The following NOX4 variants were observed in gnomAD, a reference collection of about 807,000 sequenced individuals.
NOX4 encodes NADPH oxidase 4.
Under a neutral mutation model 87.6 loss-of-function variants are expected in NOX4, and 69 were observed. The observed-to-expected ratio is 0.79, with a 90% CI of 0.65 to 0.96. The LOEUF is 0.96. NOX4 is among the 40% of genes least tolerant of loss of function. The pLI is 0.00. For missense variants in NOX4, 680 were observed against 681.5 expected, an observed-to-expected ratio of 1.00 and a Z score of 0.02; for synonymous variants, 275 against 238.2, an observed-to-expected ratio of 1.15 and a Z score of -1.42.
rs1193752857 is a variant in NOX4 at position 89,415,621 on chromosome 11, G to A, written c.629+6281C>T. On this transcript the variant is annotated intron_variant, in intron 8 of 17. Coordinates refer to ENST00000263317, the MANE Select transcript of NOX4 (RefSeq NM_016931.5). ...TACATAAATATGCAGATACGTGTGT[G>A]TATGTATTTCAGGAATTAATGAATC... 3.3e-5 allele frequency among the ~76,000 whole-genome samples: 5 copies of A among 152,074 alleles called. No homozygotes were observed. The East Asian group carries it at 9.6e-4, about 29-fold the overall frequency.
At chr11:89,389,182 A>G (rs1273833925) in intron 11 of NOX4, among the ~76,000 whole-genome samples, 1 of 152,164 alleles carries the variant, frequency 6.6e-6, no homozygotes, top group Admixed American at 6.5e-5. Context: ...AAACAATCAC[A>G]ATTTCCTTGG....
At chr11:89,394,252 G>C (rs571382063) in intron 11 of NOX4, among the ~76,000 whole-genome samples, 8 of 152,010 alleles carry the variant, frequency 5.3e-5, no homozygotes, top group Admixed American at 2.0e-4. Flanking sequence ...CAGTGATTGA[G>C]TATATACTAA....
the NOX4 span, among the ~76,000 whole-genome samples, chr11:89,513,811 G>T: frequency 2.6e-5 from 4 of 152,146 alleles, no homozygotes; most frequent in Non-Finnish European, 4.4e-5. Context: ...GAATGAATGT[G>T]CAAGGAAACC....
At chr11:89,557,868 T>G in the NOX4 span, among the ~76,000 whole-genome samples, 1 of 152,238 alleles carries the variant, frequency 6.6e-6, no homozygotes, top group African/African-American at 2.4e-5. Flanking sequence ...AAAGTTGAAC[T>G]AACTTGTCTC....
chr11:89,431,958 C>G (rs185356141), intron 7 of NOX4, among the ~76,000 whole-genome samples: 1 of 152,134 alleles, frequency 6.6e-6, no homozygotes, highest in Non-Finnish European at 1.5e-5. Context: ...ACCCAAATGT[C>G]CATCAATGAT....
the NOX4 span, among the ~76,000 whole-genome samples, chr11:89,543,637 A>G: frequency 6.6e-6 from 1 of 152,100 alleles, no homozygotes; most frequent in African/African-American, 2.4e-5. Context: ...ACGCTGTCTA[A>G]AATTGATGCA....
At chr11:89,369,896 T>C (rs1204560237) in intron 12 of NOX4, among the ~76,000 whole-genome samples, 1 of 151,782 alleles carries the variant, frequency 6.6e-6, no homozygotes, top group African/African-American at 2.4e-5. Context: ...ATTAGTGTGG[T>C]TATAATCTGA....
At chr11:89,521,192 A>T in the NOX4 span, among the ~76,000 whole-genome samples, 1 of 152,108 alleles carries the variant, frequency 6.6e-6, no homozygotes, top group South Asian at 2.1e-4. Flanking sequence ...TCTTAAATTC[A>T]TATGAAACAA....
At chr11:89,496,500 T>A (rs927592689), upstream of NOX4, among the ~76,000 whole-genome samples, 4 of 151,918 alleles carry the variant, frequency 2.6e-5, no homozygotes, top group African/African-American at 9.7e-5. Context: ...CATTTCACAG[T>A]GTATATGTAT....
chr11:89,471,444 T>C (rs569227131), intron 2 of NOX4, among the ~76,000 whole-genome samples: 2 of 152,312 alleles, frequency 1.3e-5, no homozygotes, highest in African/African-American at 4.8e-5. Flanking sequence ...AAGTAAGCTG[T>C]ACAATTTTTC....
chr11:89,456,800 C>T (rs993651786), intron 2 of NOX4, among the ~76,000 whole-genome samples: 1 of 152,138 alleles, frequency 6.6e-6, no homozygotes, highest in African/African-American at 2.4e-5. Context: ...GGGACAGGAA[C>T]AGCTGCAGTG....
the NOX4 span, chr11:89,533,956 CCT>C: frequency 6.6e-6 from 1 of 152,198 alleles, no homozygotes; most frequent in Admixed American, 6.5e-5. Context: ...TTGTCTCAAG[CCT>C]CTGTCTTGTC....
At chr11:89,464,430 G>A (rs1248553576) in intron 2 of NOX4, among the ~76,000 whole-genome samples, 1 of 152,154 alleles carries the variant, frequency 6.6e-6, no homozygotes, top group African/African-American at 2.4e-5. Context: ...GGAAAATGGA[G>A]ACGGACCCAT....
chr11:89,441,346 C>T (rs1944446565), intron 5 of NOX4, among the ~76,000 whole-genome samples: 1 of 152,036 alleles, frequency 6.6e-6, no homozygotes, highest in Non-Finnish European at 1.5e-5. Flanking sequence ...TAGTCAGCAC[C>T]CTTCTACCTT....
At chr11:89,459,526 G>A (rs1359175620) in intron 2 of NOX4, among the ~76,000 whole-genome samples, 2 of 152,030 alleles carry the variant, frequency 1.3e-5, no homozygotes, top group Non-Finnish European at 2.9e-5. Context: ...ACGACAAACA[G>A]AGAGCCAAAT....
the NOX4 span, among the ~76,000 whole-genome samples, chr11:89,564,747 G>GT: frequency 9.3e-6 from 1 of 107,682 alleles, no homozygotes; most frequent in Admixed American, 1.0e-4. Flanking sequence ...GTTGTTGTTT[G>GT]TTTTTTGTTT....
At chr11:89,376,097 C>T (rs576336248) in intron 11 of NOX4, among the ~76,000 whole-genome samples, 1 of 152,296 alleles carries the variant, frequency 6.6e-6, no homozygotes, top group African/African-American at 2.4e-5. Flanking sequence ...CTTCTAAGTA[C>T]CAGTCCAAGG....
intron 2 of NOX4, among the ~76,000 whole-genome samples, chr11:89,480,428 T>G (rs1946346976): frequency 6.6e-6 from 1 of 152,148 alleles, no homozygotes. Context: ...ACTACTTTCT[T>G]ATGTATTAAG....
the NOX4 span, among the ~76,000 whole-genome samples, chr11:89,530,212 G>A: frequency 6.6e-6 from 1 of 150,970 alleles, no homozygotes; most frequent in African/African-American, 2.4e-5. Context: ...GCTGTAGGCT[G>A]TAAGTACTGT....
Sources: allele counts gnomAD v4.1 joint callset (sites outside exome capture counted in the v4.1 genomes callset), GRCh38; gene constraint gnomAD v4.1.1; transcripts MANE v1.5; gene names NCBI Gene and HGNC (gene_info 2026-07-23, HGNC 2026-07-21).